The following CDH12 variants were observed in gnomAD, a reference collection of about 807,000 sequenced individuals.
CDH12 encodes the protein cadherin 12.
CDH12 carries 41 observed loss-of-function variants against 74.1 expected under a neutral mutation model. The observed-to-expected ratio is 0.55, with a 90% CI of 0.43 to 0.72. The LOEUF (loss-of-function observed/expected upper bound fraction) is 0.72. Ranked by LOEUF, CDH12 falls within the 30% of genes least tolerant of loss-of-function variation. CDH12 has a pLI of 0.00. For synonymous variants in CDH12, 399 were observed against 355.0 expected (o/e 1.12, Z -1.39); for missense variants, 945 against 977.2 (o/e 0.97, Z 0.44).
At chr5:22,379,387 T>G (rs546966524) in intron 3 of CDH12, among the ~76,000 whole-genome samples, 1 of 152,136 alleles carries the variant, frequency 6.6e-6, no homozygotes, top group Non-Finnish European at 1.5e-5. Context: ...TGTCCAAAAT[T>G]TCCACATCAC....
intron 6 of CDH12, among the ~76,000 whole-genome samples, chr5:21,871,769 C>CA (rs1314156800): frequency 3.9e-5 from 6 of 152,044 alleles, no homozygotes; most frequent in Non-Finnish European, 8.8e-5. Context: ...CCTACATACT[C>CA]AATCTCTGTT....
chr5:22,327,789 C>T (rs1739184088), intron 3 of CDH12, among the ~76,000 whole-genome samples: 1 of 152,094 alleles, frequency 6.6e-6, no homozygotes, highest in Non-Finnish European at 1.5e-5. Context: ...ACATGACATG[C>T]TTTAAATTTT....
chr5:22,679,012 T>C (rs188640190), intron 1 of CDH12, among the ~76,000 whole-genome samples: 87 of 152,200 alleles, frequency 5.7e-4, no homozygotes, highest in Non-Finnish European at 9.9e-4. Context: ...TGGAGTACAG[T>C]TGAGGTTATC....
intron 1 of CDH12, among the ~76,000 whole-genome samples, chr5:22,636,352 C>A (rs1738840260): frequency 6.6e-6 from 1 of 151,988 alleles, no homozygotes. Flanking sequence ...TATGTCCAAA[C>A]AAAAACTTGA....
At chr5:21,849,853 T>C (rs756313847) in intron 7 of CDH12, among the ~76,000 whole-genome samples, 1 of 151,744 alleles carries the variant, frequency 6.6e-6, no homozygotes, top group Non-Finnish European at 1.5e-5. Flanking sequence ...ATGTGCACTT[T>C]CATGTTTATT....
chr5:22,040,994 T>A (rs1446331689), intron 5 of CDH12, among the ~76,000 whole-genome samples: 2 of 151,982 alleles, frequency 1.3e-5, no homozygotes, highest in Non-Finnish European at 2.9e-5. Context: ...CAGTCAAAAA[T>A]AGCAATAGCT....
At chr5:22,532,601 T>C (rs10053834) in intron 1 of CDH12, among the ~76,000 whole-genome samples, 24,555 of 151,132 alleles carry the variant, frequency 0.16, 2,585 homozygotes, top group East Asian at 0.37. Context: ...AATTTTACCA[T>C]TGGGAAGGAC....
chr5:22,175,868 A>G (rs964231487), intron 4 of CDH12, among the ~76,000 whole-genome samples: 1 of 152,112 alleles, frequency 6.6e-6, no homozygotes, highest in African/African-American at 2.4e-5. Flanking sequence ...TGAGCTCAGG[A>G]GCTTTCTCCT....
intron 3 of CDH12, among the ~76,000 whole-genome samples, chr5:22,351,458 CCTCAGG>C (rs1158307842): frequency 6.6e-6 from 1 of 152,078 alleles, no homozygotes; most frequent in Non-Finnish European, 1.5e-5. Context: ...TATTACAATG[CCTCAGG>C]CCCATTAATT....
chr5:21,841,477 A>C (rs1319392223), intron 8 of CDH12, among the ~76,000 whole-genome samples: 2 of 150,572 alleles, frequency 1.3e-5, no homozygotes, highest in Non-Finnish European at 3.0e-5. Flanking sequence ...AGAACTAGAA[A>C]TACCATTTGA....
chr5:22,379,959 A>C (rs1282012802), intron 3 of CDH12, among the ~76,000 whole-genome samples: 1 of 152,038 alleles, frequency 6.6e-6, no homozygotes, highest in Admixed American at 6.6e-5. Flanking sequence ...AGGTCTCTCT[A>C]TTTTACCTAG....
At chr5:22,489,939 C>G (rs1746792516) in intron 2 of CDH12, among the ~76,000 whole-genome samples, 1 of 152,042 alleles carries the variant, frequency 6.6e-6, no homozygotes, top group South Asian at 2.1e-4. Context: ...CTCGGCCTCC[C>G]AAAGTGCTGG....
At chr5:22,037,486 C>A (rs767047641) in intron 5 of CDH12, among the ~76,000 whole-genome samples, 8 of 152,192 alleles carry the variant, frequency 5.3e-5, no homozygotes, top group Admixed American at 2.0e-4. Context: ...AAACAAATCC[C>A]TCCAAGAGGC....
At position 21,765,175 on chromosome 5, in the gene CDH12, C is replaced by T. The variant is rs1006671449; in HGVS notation, c.1394-76G>A. 4.6e-5 allele frequency: 57 copies of T among 1,234,162 alleles called. No homozygotes were observed. In the Middle Eastern group the frequency reaches 3.1e-3, roughly 67 times the overall value. 76.5% of individuals were successfully genotyped at this position (1,234,162 alleles called of 1,614,324 possible). ...TTGCTTCTACAATAAATAGTATTTA[C>T]ATTTTTAAAAATCAGCCTTTATATA... On this transcript the variant is annotated intron_variant, in intron 11 of 14. Coordinates refer to ENST00000382254, the MANE Select transcript of CDH12 (RefSeq NM_004061.5).
chr5:22,039,831 T>C (rs1739444664), intron 5 of CDH12, among the ~76,000 whole-genome samples: 1 of 152,066 alleles, frequency 6.6e-6, no homozygotes, highest in South Asian at 2.1e-4. Context: ...TGAAAGTCTT[T>C]ATCTGTGAAA....
At chr5:22,140,344 A>T (rs183481984) in intron 4 of CDH12, among the ~76,000 whole-genome samples, 49 of 152,186 alleles carry the variant, frequency 3.2e-4, no homozygotes, top group African/African-American at 1.1e-3. Context: ...ATTTTTACTT[A>T]GCTTTTGAGA....
chr5:22,391,469 T>C (rs1742244853), intron 3 of CDH12, among the ~76,000 whole-genome samples: 2 of 152,172 alleles, frequency 1.3e-5, no homozygotes, highest in Admixed American at 6.5e-5. Context: ...GTTGAGGCCA[T>C]ATGCAACTAC....
chr5:22,222,062 G>T (rs1484767296), intron 3 of CDH12, among the ~76,000 whole-genome samples: 1 of 151,956 alleles, frequency 6.6e-6, no homozygotes, highest in Non-Finnish European at 1.5e-5. Context: ...AATGCTTAAT[G>T]TAAGTACTGG....
At chr5:22,614,170 G>A (rs1037939680) in intron 1 of CDH12, among the ~76,000 whole-genome samples, 5 of 152,046 alleles carry the variant, frequency 3.3e-5, no homozygotes, top group African/African-American at 1.2e-4. Context: ...TGTATTTGAC[G>A]CACATTTATT....
Sources: allele counts gnomAD v4.1 joint callset (sites outside exome capture counted in the v4.1 genomes callset), GRCh38; gene constraint gnomAD v4.1.1; transcripts MANE v1.5; gene names NCBI Gene and HGNC (gene_info 2026-07-23, HGNC 2026-07-21).